The following CHMP7 variants were observed in gnomAD, a reference collection of about 807,000 sequenced individuals.
CHMP7 encodes the protein CHMP family, member 7.
A neutral mutation model predicts 53.7 loss-of-function variants in CHMP7; 15 were observed. The ratio of observed to expected loss-of-function variants is 0.28; its 90% CI spans 0.19 to 0.43. CHMP7 has a LOEUF of 0.43. Among genes scored for constraint, CHMP7 ranks in the 20% least tolerant of loss-of-function variants. CHMP7 has a pLI of 1.00. For synonymous variants in CHMP7, 261 were observed against 228.0 expected (o/e 1.14, Z -1.30); for missense variants, 527 against 569.4 (o/e 0.93, Z 0.76).
chr8:23,260,764 G>A lies in CHMP7; in HGVS notation c.*165G>A, dbSNP rs1008358928. Reference sequence around the variant, plus strand: ...TTACTACAGGACAGATAGAATTTCTGGAAGCGATGCTCCAAAGGCTTGCTC... The same window carrying A: ...TTACTACAGGACAGATAGAATTTCTAGAAGCGATGCTCCAAAGGCTTGCTC... On this transcript the variant is annotated 3_prime_UTR_variant, in exon 11 of 11. Transcript: ENST00000397677. The A allele has an allele frequency of 4.7e-6, 3 of 640,642 alleles. No homozygotes were observed. In the African/African-American group the frequency reaches 5.5e-5, roughly 12 times the overall value. 39.7% of individuals were successfully genotyped at this position (640,642 alleles called of 1,614,324 possible). A position where few individuals can be genotyped will look rare whatever the true frequency, so the allele number is the denominator to read the frequency against.
At chr8:23,247,053 C>G in intron 2 of CHMP7, 59 bp downstream of exon 2, 1 of 1,434,136 alleles carries the variant, frequency 7.0e-7, no homozygotes, top group Non-Finnish European at 9.2e-7. Flanking sequence ...CTCGGAGGGC[C>G]GGGCCCTGGT....
Position 23,246,487 on chromosome 8 carries a change from A to G in CHMP7, c.-209A>G. 1.9e-6 allele frequency: 1 copy of G among 538,894 alleles called. No individual in the cohort carries two copies. Among genetic ancestry groups the G allele is most frequent in the Non-Finnish European group, 3.3e-6 (1 of 302,278 alleles). 33.4% of individuals were successfully genotyped at this position (538,894 alleles called of 1,614,324 possible). A position where few individuals can be genotyped will look rare whatever the true frequency, so the allele number is the denominator to read the frequency against. Reference sequence around the variant, plus strand: ...GGCGCAAGCGCTCGGTGTCTCTCTGAAAAGAACTTCATCATACTGCCTCCT... The same window carrying G: ...GGCGCAAGCGCTCGGTGTCTCTCTGGAAAGAACTTCATCATACTGCCTCCT... On this transcript the variant is annotated 5_prime_UTR_variant, in exon 2 of 11. Coordinates refer to ENST00000397677, the MANE Select transcript of CHMP7 (RefSeq NM_152272.5).
chr8:23,246,973 C>T lies in CHMP7; in HGVS notation c.278C>T (p.Thr93Met), dbSNP rs1801723733. The T allele has an allele frequency of 1.9e-6, 3 of 1,540,322 alleles. No individual in the cohort carries two copies. The highest frequency in any genetic ancestry group is 2.6e-6 in the Non-Finnish European group (3 of 1,147,350). Residue 93 changes from threonine to methionine, a missense_variant, in exon 2 of 11, where the codon ACG becomes ATG. Physicochemically the swap from Thr to Met is moderately conservative, Grantham distance 81. Transcript: ENST00000397677. ...GGGAGCGTCCCGCTGGGGCTGGCCA[C>T]GGTGCTGCAGGACCTGCTGCGGTGA... ...RKGSVPLGLA[T>M]VLQDLLRRGE... is the part of the protein sequence containing the mutation.
At chr8:23,259,365 A>ATT (rs371807011) in intron 9 of CHMP7, among the ~76,000 whole-genome samples, 1 of 89,438 alleles carries the variant, frequency 1.1e-5, no homozygotes, top group Non-Finnish European at 2.3e-5. Context: ...AGACGGGGTC[A>ATT]TTTTTTTTTT....
intron 1 of CHMP7, among the ~76,000 whole-genome samples, chr8:23,245,265 G>C (rs1801645314): frequency 6.6e-6 from 1 of 152,172 alleles, no homozygotes; most frequent in Non-Finnish European, 1.5e-5. Flanking sequence ...TGGCTGTAAG[G>C]TTCCTGTTTA....
intron 4 of CHMP7, among the ~76,000 whole-genome samples, 175 bp from the exon 5 acceptor site, chr8:23,256,285 T>G (rs1259667987): frequency 1.3e-5 from 2 of 152,202 alleles, no homozygotes; most frequent in African/African-American, 4.8e-5. Context: ...GCTATATGTA[T>G]AGGGTTCAGT....
At position 23,260,647 on chromosome 8, in the gene CHMP7, G is replaced by A; in HGVS notation, c.*48G>A. On this transcript the variant is annotated 3_prime_UTR_variant, in exon 11 of 11. Transcript: ENST00000397677. ...ATGTAAAAGAGAGACCAGGCTTGCTGGGTGTGTACATAGTTATTTAAACAA... is the reference window on the plus strand; with the variant it reads ...ATGTAAAAGAGAGACCAGGCTTGCTAGGTGTGTACATAGTTATTTAAACAA... 7.3e-7 allele frequency: 1 copy of A among 1,366,664 alleles called. No individual in the cohort carries two copies. Among genetic ancestry groups the A allele is most frequent in the East Asian group, 2.3e-5 (1 of 44,000 alleles). The allele number at this position is 1,366,664 out of a possible 1,614,324, so 84.7% of individuals were successfully genotyped here.
intron 3 of CHMP7, among the ~76,000 whole-genome samples, chr8:23,253,086 T>C (rs1416753549): frequency 1.3e-5 from 2 of 152,186 alleles, no homozygotes; most frequent in Non-Finnish European, 2.9e-5. Context: ...TGTCTCTCTT[T>C]TGTGGCTTCC....
intron 3 of CHMP7, among the ~76,000 whole-genome samples, chr8:23,249,810 T>G (rs1157212145): frequency 1.3e-5 from 2 of 152,182 alleles, no homozygotes; most frequent in Non-Finnish European, 2.9e-5. Context: ...TCTGATGGCC[T>G]GCCTTCTGCT....
At chr8:23,259,293 C>G (rs1450003799) in intron 9 of CHMP7, among the ~76,000 whole-genome samples, 167 bp downstream of exon 9, 1 of 148,402 alleles carries the variant, frequency 6.7e-6, no homozygotes, top group Non-Finnish European at 1.5e-5. Flanking sequence ...CTCAGCCTCC[C>G]AAGTAGCTGG....
Position 23,256,474 on chromosome 8 carries a change from C to T in CHMP7, c.672C>T (p.Ala224=). 2 of 1,606,686 alleles carry T rather than the reference C, an allele frequency of 1.2e-6. No individual in the cohort carries two copies. The highest frequency in any genetic ancestry group is 1.7e-6 in the Non-Finnish European group (2 of 1,173,262). Residue 224 remains alanine (A), a synonymous_variant, in exon 5 of 11, where the codon GCC becomes GCT. Transcript: ENST00000397677. ...EQNGEKIVKF[A]RGPRAKVSPV... The stretch of plus-strand genomic sequence containing the variant: ...CTGTCCCTCAGATTGTGAAGTTTGC[C>T]CGAGGGCCACGTGCCAAGGTCTCTC...
At chr8:23,253,272 G>T (rs546085385) in intron 3 of CHMP7, among the ~76,000 whole-genome samples, 1 of 152,092 alleles carries the variant, frequency 6.6e-6, no homozygotes, top group Non-Finnish European at 1.5e-5. Context: ...CTTGGATATA[G>T]CTCAGACATC....
chr8:23,253,330 C>G (rs1277499364), intron 3 of CHMP7, among the ~76,000 whole-genome samples: 2 of 152,240 alleles, frequency 1.3e-5, no homozygotes, highest in African/African-American at 4.8e-5. Context: ...GTTGCCCAGG[C>G]TGTAGTGCAG....
Position 23,258,177 on chromosome 8 carries a change from G to T in CHMP7, c.840+96G>T, listed in dbSNP as rs866302560. On this transcript the variant is annotated intron_variant, in intron 6 of 10. Transcript: ENST00000397677. ...AGAGCAGCTTGCTGGGGTTTTGAGG[G>T]GGGTAGAGTCTGCAGGGGGCCCAGG... 7.6e-6 allele frequency: 11 copies of T among 1,438,288 alleles called. No homozygotes were observed. In the South Asian group the frequency reaches 1.1e-4, roughly 14 times the overall value. The allele number at this position is 1,438,288 out of a possible 1,614,324, so 89.1% of individuals were successfully genotyped here. A position where few individuals can be genotyped will look rare whatever the true frequency, so the allele number is the denominator to read the frequency against.
chr8:23,258,840 G>A lies in CHMP7; in HGVS notation c.1059+10G>A. 6.4e-7 allele frequency: 1 copy of A among 1,573,418 alleles called. No homozygotes were observed. Among genetic ancestry groups the A allele is most frequent in the Non-Finnish European group, 8.7e-7 (1 of 1,143,694 alleles). On this transcript the variant is annotated intron_variant, in intron 8 of 10. Transcript: ENST00000397677. ...GGATCAGATCCAAGAGGTACAGAAAGGGGCCAGGGAGGGACACACAGAGAA... is the reference window on the plus strand; with the variant it reads ...GGATCAGATCCAAGAGGTACAGAAAAGGGCCAGGGAGGGACACACAGAGAA...
Position 23,246,647 on chromosome 8 carries a change from G to A in CHMP7, c.-49G>A, listed in dbSNP as rs891161305. On this transcript the variant is annotated 5_prime_UTR_variant, in exon 2 of 11. Transcript: ENST00000397677. ...GCCGGGAGGGAACGAGGGCGGAAGC[G>A]GACCAGGGCCAGGCTTGTGTTCGCA... 8 of 1,489,636 alleles carry A rather than the reference G, an allele frequency of 5.4e-6. No individual in the cohort carries two copies. Among genetic ancestry groups the A allele is most frequent in the Non-Finnish European group, 6.3e-6 (7 of 1,107,326 alleles). The allele number at this position is 1,489,636 out of a possible 1,614,324, so 92.3% of individuals were successfully genotyped here. A position where few individuals can be genotyped will look rare whatever the true frequency, so the allele number is the denominator to read the frequency against.
chr8:23,258,435 C>G lies in CHMP7; in HGVS notation c.946C>G (p.Gln316Glu). 6.2e-7 allele frequency: 1 copy of G among 1,614,048 alleles called. No individual in the cohort carries two copies. Among genetic ancestry groups the G allele is most frequent in the East Asian group, 2.2e-5 (1 of 44,832 alleles). The stretch of plus-strand genomic sequence containing the variant: ...CATCCTGGACCGGATCTATGCCTCC[C>G]AGACAGATCAGATGGTAGTCACTCC... ...QGILDRIYASQTDQMVFNAYQ... is the reference protein window; with the variant it reads ...QGILDRIYASETDQMVFNAYQ... Residue 316 changes from glutamine (Q) to glutamate (E), a missense_variant, in exon 7 of 11, where the codon CAG (glutamine) becomes GAG (glutamate). By Grantham distance (29) the Gln-to-Glu change is conservative (BLOSUM62 2). Coordinates refer to ENST00000397677, the MANE Select transcript of CHMP7 (RefSeq NM_152272.5).
At chr8:23,247,253 A>G (rs1463085158) in intron 2 of CHMP7, among the ~76,000 whole-genome samples, 1 of 152,230 alleles carries the variant, frequency 6.6e-6, no homozygotes, top group Non-Finnish European at 1.5e-5. Context: ...CAGAGAAGCC[A>G]GCCTAACAGA....
At chr8:23,244,837 T>C (rs1008009427) in intron 1 of CHMP7, among the ~76,000 whole-genome samples, 2 of 152,226 alleles carry the variant, frequency 1.3e-5, no homozygotes, top group African/African-American at 2.4e-5. Flanking sequence ...TAGTTTTCCT[T>C]ATGTAGAATT....
Sources: allele counts gnomAD v4.1 joint callset (sites outside exome capture counted in the v4.1 genomes callset), GRCh38; gene constraint gnomAD v4.1.1; transcripts MANE v1.5; gene names NCBI Gene and HGNC (gene_info 2026-07-23, HGNC 2026-07-21).